The following IQGAP2 variants were observed in gnomAD, a reference collection of about 807,000 sequenced individuals.
IQGAP2 encodes ras GTPase-activating-like protein IQGAP2.
IQGAP2 carries 173 observed loss-of-function variants against 201.3 expected under a neutral mutation model. That is an observed-to-expected ratio of 0.86 (90% confidence interval 0.76 to 0.98). The LOEUF (loss-of-function observed/expected upper bound fraction) is 0.98. Among genes scored for constraint, IQGAP2 ranks in the 50% least tolerant of loss-of-function variants. The pLI, the probability that IQGAP2 is intolerant of heterozygous loss-of-function variation, is 0.00. For synonymous variants in IQGAP2, 675 were observed against 673.9 expected, an observed-to-expected ratio of 1.00 and a Z score of -0.03; for missense variants, 1,687 against 1,864.8, an observed-to-expected ratio of 0.90 and a Z score of 1.76.
chr5:76,512,928 G>A (rs1055777563), intron 2 of IQGAP2, among the ~76,000 whole-genome samples: 7 of 152,146 alleles, frequency 4.6e-5, no homozygotes, highest in Admixed American at 4.6e-4. Context: ...GATGGCGCAC[G>A]CCTGTAATCC....
intron 2 of IQGAP2, among the ~76,000 whole-genome samples, chr5:76,462,277 G>A (rs1754504821): frequency 6.6e-6 from 1 of 152,170 alleles, no homozygotes; most frequent in Non-Finnish European, 1.5e-5. Flanking sequence ...TGCCCAGCAG[G>A]ACAGTGGCAT....
intron 13 of IQGAP2, among the ~76,000 whole-genome samples, chr5:76,620,350 G>A (rs1240648114): frequency 1.5e-5 from 2 of 131,656 alleles, no homozygotes; most frequent in Non-Finnish European, 3.6e-5. Context: ...CTCTGATGGC[G>A]GCTTAAAGGG....
chr5:76,617,429 CA>C (rs1332484827), intron 13 of IQGAP2: 1 of 623,454 alleles, frequency 1.6e-6, no homozygotes, highest in Non-Finnish European at 2.7e-6. Flanking sequence ...GTCTCAAAAA[CA>C]AACAAACAAA....
chr5:76,608,834 G>A (rs1561504151), intron 12 of IQGAP2: 1 of 262,180 alleles, frequency 3.8e-6, no homozygotes, highest in Non-Finnish European at 7.4e-6. Flanking sequence ...CTTTAAATTT[G>A]GTAGGTACAA....
At chr5:76,653,093 G>A (rs139916938) in intron 18 of IQGAP2, among the ~76,000 whole-genome samples, 1 of 152,314 alleles carries the variant, frequency 6.6e-6, no homozygotes, top group East Asian at 1.9e-4. Flanking sequence ...ACCAATAAAT[G>A]TTCTTTGTCT....
At chr5:76,547,479 T>C (rs935015787) in intron 2 of IQGAP2, 45 of 942,014 alleles carry the variant, frequency 4.8e-5, no homozygotes, top group Non-Finnish European at 1.3e-5. Flanking sequence ...TTATTAAGCT[T>C]GTTGCTTTCA....
Position 76,702,556 on chromosome 5 carries a change from G to T in IQGAP2, c.4580G>T (p.Gly1527Val). ...GIFDVRSKFL[G>V]VEMEKVQLNI... ...TTCGATGTAAGATCAAAATTCCTTG[G>T]TGTTGAGATGGAAAAGGTGCAACTC... The change falls in exon 35 of 36, where the codon GGT becomes GTT. Residue 1527 changes from glycine (G) to valine (V), a missense_variant. By Grantham distance (109) the Gly-to-Val change is moderately radical. Transcript: ENST00000274364. 4 of 1,592,454 alleles carry T rather than the reference G, an allele frequency of 2.5e-6. No homozygotes were observed. Among genetic ancestry groups the T allele is most frequent in the Non-Finnish European group, 3.4e-6 (4 of 1,160,262 alleles).
At chr5:76,688,697 C>A (rs1212464427) in intron 30 of IQGAP2, among the ~76,000 whole-genome samples, 1 of 151,678 alleles carries the variant, frequency 6.6e-6, no homozygotes, top group Non-Finnish European at 1.5e-5. Flanking sequence ...CACTTTTGGG[C>A]CCAAGCATTT....
intron 16 of IQGAP2, among the ~76,000 whole-genome samples, chr5:76,640,207 C>T (rs1208633101): frequency 6.6e-6 from 1 of 152,152 alleles, no homozygotes; most frequent in Non-Finnish European, 1.5e-5. Context: ...TATGATTTCA[C>T]TTTTAGCTCT....
At position 76,562,519 on chromosome 5, in the gene IQGAP2, A is replaced by G; in HGVS notation, c.270A>G (p.Lys90=). 2 of 1,614,106 alleles carry G rather than the reference A, an allele frequency of 1.2e-6. No individual in the cohort carries two copies. Among genetic ancestry groups the G allele is most frequent in the Non-Finnish European group, 1.7e-6 (2 of 1,179,948 alleles). Residue 90 remains lysine (K), a synonymous_variant, in exon 3 of 36, where the codon AAA becomes AAG. Transcript: ENST00000274364. ...KFFAPKMVSE[K]KIYDVEQTRY... ...TTGCCCCGAAAATGGTATCAGAGAA[A>G]AAGATCTATGATGTGGAACAAACAC... is the stretch of plus-strand genomic sequence containing the variant.
chr5:76,688,095 C>T (rs1745944925), intron 30 of IQGAP2, among the ~76,000 whole-genome samples: 1 of 152,080 alleles, frequency 6.6e-6, no homozygotes, highest in Non-Finnish European at 1.5e-5. Context: ...AGCTAATAAA[C>T]CGAATTTGTA....
intron 31 of IQGAP2, among the ~76,000 whole-genome samples, chr5:76,694,263 A>G (rs1343142019): frequency 6.6e-6 from 1 of 152,172 alleles, no homozygotes; most frequent in Non-Finnish European, 1.5e-5. Context: ...TGAGACCCCC[A>G]TCTCTAATTT....
intron 2 of IQGAP2, among the ~76,000 whole-genome samples, chr5:76,546,201 C>T (rs1414044022): frequency 5.3e-5 from 8 of 152,042 alleles, no homozygotes; most frequent in Non-Finnish European, 1.2e-4. Flanking sequence ...TTTGGGAGGC[C>T]GAGGTGGGCA....
chr5:76,623,508 A>C, intron 13 of IQGAP2: 6 of 424,156 alleles, frequency 1.4e-5, no homozygotes, highest in Non-Finnish European at 1.7e-5. Flanking sequence ...ACCCCCAACA[A>C]TCTATTCTGA....
At position 76,627,477 on chromosome 5, in the gene IQGAP2, T is replaced by C. The variant is rs764487513; in HGVS notation, c.1589T>C (p.Val530Ala). Residue 530 changes from valine to alanine, a missense_variant, in exon 14 of 36, where the codon GTG becomes GCG. By Grantham distance (64) the Val-to-Ala change is moderately conservative. Coordinates refer to ENST00000274364, the MANE Select transcript of IQGAP2 (RefSeq NM_006633.5). ...CAGCAAGCCGTCGATGATGCCAACG[T>C]GGACAAGGACAGAGCAAAACAATGT... Reference protein sequence around the residue: ...EIQQAVDDANVDKDRAKQWVT... With the variant: ...EIQQAVDDANADKDRAKQWVT... The C allele has an allele frequency of 6.3e-7, 1 of 1,591,576 alleles. No homozygotes were observed. Among genetic ancestry groups the C allele is most frequent in the South Asian group, 1.1e-5 (1 of 90,484 alleles).
At chr5:76,496,733 C>CTTTCT in intron 2 of IQGAP2, among the ~76,000 whole-genome samples, 1 of 37,684 alleles carries the variant, frequency 2.7e-5, no homozygotes, top group African/African-American at 1.4e-4. Flanking sequence ...TCTTTTCTTT[C>CTTTCT]TTTCTTTCTT....
intron 2 of IQGAP2, among the ~76,000 whole-genome samples, chr5:76,486,082 A>G (rs1756118886): frequency 6.6e-6 from 1 of 152,174 alleles, no homozygotes; most frequent in African/African-American, 2.4e-5. Context: ...ACTTTGGTGA[A>G]ATTCAGAATG....
At chr5:76,664,452 A>G (rs1743547574) in intron 21 of IQGAP2, among the ~76,000 whole-genome samples, 2 of 152,220 alleles carry the variant, frequency 1.3e-5, no homozygotes, top group Non-Finnish European at 2.9e-5. Flanking sequence ...TGGAAGGCCA[A>G]AGCGGGTGGA....
intron 30 of IQGAP2, chr5:76,691,745 G>T (rs1746280846): frequency 6.6e-6 from 1 of 152,204 alleles, no homozygotes; most frequent in South Asian, 2.1e-4. Flanking sequence ...AAGACACATT[G>T]TGATTGTTCT....
Sources: allele counts gnomAD v4.1 joint callset (sites outside exome capture counted in the v4.1 genomes callset), GRCh38; gene constraint gnomAD v4.1.1; transcripts MANE v1.5; gene names NCBI Gene and HGNC (gene_info 2026-07-23, HGNC 2026-07-21).